Variants in TUSC3 observed in about 807,000 individuals in gnomAD.
TUSC3 encodes the protein dolichyl-diphosphooligosaccharide--protein glycosyltransferase subunit TUSC3.
A neutral mutation model predicts 44.8 loss-of-function variants in TUSC3; 45 were observed. The ratio of observed to expected loss-of-function variants is 1.00; its 90% CI spans 0.79 to 1.29. The LOEUF is 1.29. Among genes scored for constraint, TUSC3 ranks in the 50% most tolerant of loss-of-function variants. The probability of loss-of-function intolerance (pLI) is 0.00; values close to 1 mark genes in which losing one functional copy is unlikely to be tolerated. For missense variants in TUSC3, 519 were observed against 437.9 expected, an observed-to-expected ratio of 1.19 and a Z score of -1.65; for synonymous variants, 212 against 152.9, an observed-to-expected ratio of 1.39 and a Z score of -2.85.
intron 1 of TUSC3, among the ~76,000 whole-genome samples, chr8:15,446,440 T>G (rs952700470): frequency 6.6e-6 from 1 of 151,902 alleles, no homozygotes; most frequent in African/African-American, 2.4e-5. Context: ...TGGGCAACAT[T>G]GAGCACTGAG....
At chr8:15,717,968 C>T (rs1810126314) in intron 6 of TUSC3, among the ~76,000 whole-genome samples, 1 of 152,022 alleles carries the variant, frequency 6.6e-6, no homozygotes, top group African/African-American at 2.4e-5. Context: ...ACTATGTTTC[C>T]TTTTGAGCCA....
At chr8:15,442,130 G>A (rs1203259533) in intron 1 of TUSC3, among the ~76,000 whole-genome samples, 1 of 151,724 alleles carries the variant, frequency 6.6e-6, no homozygotes, top group Middle Eastern at 3.3e-3. Flanking sequence ...ACTCTTTTAT[G>A]GATTTAGGGA....
chr8:15,748,272 TTAA>T (rs1430501822), intron 8 of TUSC3, 100 bp from the exon 9 acceptor site: 5 of 888,108 alleles, frequency 5.6e-6, no homozygotes, highest in Non-Finnish European at 7.6e-6. Context: ...CCATGAACTG[TTAA>T]ATGTAAGTAT....
At chr8:15,530,914 ATCT>A (rs1801440817) in intron 2 of TUSC3, among the ~76,000 whole-genome samples, 1 of 152,154 alleles carries the variant, frequency 6.6e-6, no homozygotes. Flanking sequence ...TGTGTCCTTA[ATCT>A]TCTTGGCATG....
intron 1 of TUSC3, among the ~76,000 whole-genome samples, chr8:15,425,656 C>T (rs903828486): frequency 1.3e-5 from 2 of 152,142 alleles, no homozygotes; most frequent in African/African-American, 4.8e-5. Flanking sequence ...GGCAGTATGC[C>T]GAGGACCAAT....
At chr8:15,758,200 T>C in intron 10 of TUSC3, 4 of 1,020,692 alleles carry the variant, frequency 3.9e-6, no homozygotes, top group East Asian at 8.5e-5. Flanking sequence ...AGGAAAAATG[T>C]AGCCAAATCT....
rs937035019 is a variant in TUSC3 at position 15,548,504 on chromosome 8, G to T, written c.138+7936G>T. 9.2e-5 allele frequency among the ~76,000 whole-genome samples: 14 copies of T among 151,736 alleles called. 2 individuals are homozygous for T. Among genetic ancestry groups the T allele is most frequent in the Non-Finnish European group, 1.5e-5 (1 of 67,910 alleles). ...TGTGTGTATGAGAATGTGATGCTTT[G>T]GTTGCTGAAACCATCTTATTACCTC... On this transcript the variant is annotated intron_variant, in intron 1 of 10. Transcript: ENST00000503731.
At chr8:15,715,989 C>T (rs1483604768) in intron 6 of TUSC3, among the ~76,000 whole-genome samples, 1 of 152,034 alleles carries the variant, frequency 6.6e-6, no homozygotes, top group Non-Finnish European at 1.5e-5. Flanking sequence ...GGTGTGGTGG[C>T]ACTCGCTTGT....
At chr8:15,718,495 C>A (rs1810151833) in intron 6 of TUSC3, among the ~76,000 whole-genome samples, 1 of 152,064 alleles carries the variant, frequency 6.6e-6, no homozygotes, top group African/African-American at 2.4e-5. Flanking sequence ...TGTAGTCAAC[C>A]AGTAGTTACA....
chr8:15,727,616 G>A (rs936485831), intron 6 of TUSC3, among the ~76,000 whole-genome samples: 8 of 152,084 alleles, frequency 5.3e-5, no homozygotes, highest in Non-Finnish European at 8.8e-5. Context: ...TCAAATGTTA[G>A]TATACCTTCC....
intron 2 of TUSC3, among the ~76,000 whole-genome samples, chr8:15,508,973 C>T (rs762168841): frequency 6.6e-6 from 1 of 152,046 alleles, no homozygotes; most frequent in Non-Finnish European, 1.5e-5. Context: ...GTCTCAGGTT[C>T]CAGAAGTTGC....
chr8:15,826,037 A>G, the TUSC3 span, among the ~76,000 whole-genome samples: 1 of 152,042 alleles, frequency 6.6e-6, no homozygotes, highest in Admixed American at 6.6e-5. Context: ...TGTTATCAGT[A>G]TGTCATTTTC....
At chr8:15,479,343 C>G (rs1158436785) in intron 1 of TUSC3, among the ~76,000 whole-genome samples, 1 of 152,104 alleles carries the variant, frequency 6.6e-6, no homozygotes, top group Non-Finnish European at 1.5e-5. Flanking sequence ...ATGTTTTTGT[C>G]ATGATATTTT....
At chr8:15,819,230 A>G in the TUSC3 span, among the ~76,000 whole-genome samples, 1 of 152,144 alleles carries the variant, frequency 6.6e-6, no homozygotes, top group Non-Finnish European at 1.5e-5. Context: ...CACATCAACT[A>G]TCACCTTTAA....
intron 6 of TUSC3, among the ~76,000 whole-genome samples, chr8:15,705,950 C>A (rs1444667755): frequency 6.6e-6 from 1 of 151,926 alleles, no homozygotes; most frequent in African/African-American, 2.4e-5. Flanking sequence ...TACTTGTTTT[C>A]TTACATTTTA....
intron 2 of TUSC3, among the ~76,000 whole-genome samples, chr8:15,507,898 T>C (rs1801080316): frequency 6.6e-6 from 1 of 152,084 alleles, no homozygotes; most frequent in Non-Finnish European, 1.5e-5. Flanking sequence ...GGTGGGCACA[T>C]TTAAATAGAG....
chr8:15,827,601 A>C, the TUSC3 span, among the ~76,000 whole-genome samples: 1 of 152,144 alleles, frequency 6.6e-6, no homozygotes, highest in Non-Finnish European at 1.5e-5. Context: ...AATTGTTTCT[A>C]AGGACTCATG....
intron 1 of TUSC3, among the ~76,000 whole-genome samples, chr8:15,432,813 C>T (rs1234499392): frequency 6.6e-6 from 1 of 152,026 alleles, no homozygotes; most frequent in South Asian, 2.1e-4. Flanking sequence ...TTTTTGCTTC[C>T]CCCACATGGA....
intron 1 of TUSC3, among the ~76,000 whole-genome samples, chr8:15,453,761 G>A (rs1420296589): frequency 7.2e-5 from 11 of 152,174 alleles, no homozygotes; most frequent in Admixed American, 7.2e-4. Flanking sequence ...CAGGGCGGGA[G>A]AGGGCTCCCC....
Sources: allele counts gnomAD v4.1 joint callset (sites outside exome capture counted in the v4.1 genomes callset), GRCh38; gene constraint gnomAD v4.1.1; transcripts MANE v1.5; gene names NCBI Gene and HGNC (gene_info 2026-07-23, HGNC 2026-07-21).